ECT2: variants seen among roughly 807,000 people sequenced by gnomAD.
ECT2 encodes protein ECT2.
Under a neutral mutation model 116.9 loss-of-function variants are expected in ECT2, and 61 were observed. The ratio of observed to expected loss-of-function variants is 0.52; its 90% CI spans 0.42 to 0.65. The LOEUF (loss-of-function observed/expected upper bound fraction) is 0.65. Among genes scored for constraint, ECT2 ranks in the 30% least tolerant of loss-of-function variants. ECT2 has a pLI of 0.00. For synonymous variants in ECT2, 358 were observed against 346.4 expected, an observed-to-expected ratio of 1.03 and a Z score of -0.37; for missense variants, 937 against 1,078.7, an observed-to-expected ratio of 0.87 and a Z score of 1.84.
intron 22 of ECT2, among the ~76,000 whole-genome samples, chr3:172,814,738 T>C (rs531037842): frequency 1.8e-4 from 28 of 152,314 alleles, no homozygotes; most frequent in African/African-American, 6.0e-4. Context: ...GTATACATTG[T>C]GTGTTGATCA....
chr3:172,819,044 T>C (rs1256671022), intron 24 of ECT2, among the ~76,000 whole-genome samples: 1 of 152,118 alleles, frequency 6.6e-6, no homozygotes, highest in Non-Finnish European at 1.5e-5. Context: ...GAATAGTAAT[T>C]GTCATGAGTA....
intron 24 of ECT2, 122 bp downstream of exon 24, chr3:172,816,959 C>A: frequency 1.4e-6 from 1 of 713,348 alleles, no homozygotes; most frequent in South Asian, 3.0e-5. Flanking sequence ...TTTTATTTAA[C>A]CCAGTATGCT....
At chr3:172,795,212 C>T (rs1371135040) in intron 18 of ECT2, among the ~76,000 whole-genome samples, 1 of 151,298 alleles carries the variant, frequency 6.6e-6, no homozygotes, top group Non-Finnish European at 1.5e-5. Flanking sequence ...CCTGTAGTTC[C>T]AGCTACTCAG....
chr3:172,826,548 A>G, the ECT2 span, among the ~76,000 whole-genome samples: 4 of 152,240 alleles, frequency 2.6e-5, no homozygotes, highest in African/African-American at 9.6e-5. Context: ...TTAGTTGATA[A>G]TGCAGAGGCA....
At chr3:172,760,347 C>T (rs1717986260) in intron 7 of ECT2, 84 bp downstream of exon 7, 1 of 703,564 alleles carries the variant, frequency 1.4e-6, no homozygotes, top group Non-Finnish European at 2.2e-6. Context: ...TTATCTATTT[C>T]TTTCACAATT....
chr3:172,768,974 T>A, intron 12 of ECT2, 33 bp from the exon 13 acceptor site: 1 of 1,544,102 alleles, frequency 6.5e-7, no homozygotes, highest in Non-Finnish European at 8.7e-7. Context: ...ATATTTGGCT[T>A]CCATTAAATC....
intron 14 of ECT2, among the ~76,000 whole-genome samples, chr3:172,776,906 G>A (rs759304064): frequency 2.7e-5 from 4 of 149,462 alleles, no homozygotes; most frequent in East Asian, 2.0e-4. Flanking sequence ...ACAAAGTCTC[G>A]CTCTGTTGCT....
At chr3:172,805,391 C>T (rs1046221610) in intron 20 of ECT2, among the ~76,000 whole-genome samples, 1 of 152,102 alleles carries the variant, frequency 6.6e-6, no homozygotes, top group African/African-American at 2.4e-5. Flanking sequence ...TTCCTCTTCT[C>T]CTGAATTCTA....
intron 14 of ECT2, among the ~76,000 whole-genome samples, chr3:172,781,424 A>G (rs1339222874): frequency 1.3e-5 from 2 of 152,234 alleles, no homozygotes; most frequent in Admixed American, 1.3e-4. Context: ...CAGGGATCCC[A>G]CTGAAAGGGT....
chr3:172,802,442 G>A (rs1050470090), intron 18 of ECT2, among the ~76,000 whole-genome samples, 174 bp from the exon 19 acceptor site: 2 of 151,954 alleles, frequency 1.3e-5, no homozygotes, highest in Non-Finnish European at 2.9e-5. Context: ...TCCTCATCCT[G>A]GGCTCCATAG....
intron 14 of ECT2, among the ~76,000 whole-genome samples, chr3:172,779,895 CAAAA>C (rs60162451): frequency 4.7e-5 from 5 of 107,052 alleles, no homozygotes; most frequent in Non-Finnish European, 8.1e-5. Flanking sequence ...GACCCTGTCT[CAAAA>C]AAAAAAAAAA....
intron 24 of ECT2, chr3:172,818,595 T>C (rs1730173659): frequency 7.8e-7 from 1 of 1,287,976 alleles, no homozygotes; most frequent in South Asian, 1.2e-5. Flanking sequence ...TTACTAAGCA[T>C]GTTTATGTTC....
At chr3:172,754,089 A>G (rs1413804327) in intron 1 of ECT2, among the ~76,000 whole-genome samples, 1 of 152,098 alleles carries the variant, frequency 6.6e-6, no homozygotes, top group Non-Finnish European at 1.5e-5. Context: ...TGGGGAGGGA[A>G]ATGTGGGAGA....
the ECT2 span, chr3:172,829,155 T>C: frequency 1.7e-6 from 1 of 603,504 alleles, no homozygotes; most frequent in South Asian, 1.6e-5. Context: ...AAATGAACAG[T>C]GCCCCAGTGG....
chr3:172,787,277 T>C (rs1030548350), intron 18 of ECT2, among the ~76,000 whole-genome samples: 1 of 152,238 alleles, frequency 6.6e-6, no homozygotes, highest in Non-Finnish European at 1.5e-5. Flanking sequence ...TGCTTCTGTA[T>C]GAGAGTTTCT....
downstream of ECT2, among the ~76,000 whole-genome samples, chr3:172,823,459 T>A (rs1465674818): frequency 6.6e-6 from 1 of 152,194 alleles, no homozygotes; most frequent in Non-Finnish European, 1.5e-5. Context: ...TTGACAGTGT[T>A]TCTGCTGGTG....
At chr3:172,823,814 G>T (rs529769932), downstream of ECT2, among the ~76,000 whole-genome samples, 23 of 151,844 alleles carry the variant, frequency 1.5e-4, no homozygotes, top group Non-Finnish European at 2.1e-4. Flanking sequence ...TCTGGTGGAG[G>T]ATCTTTAAAA....
chr3:172,827,007 C>T, the ECT2 span, among the ~76,000 whole-genome samples: 1 of 152,182 alleles, frequency 6.6e-6, no homozygotes, highest in Non-Finnish European at 1.5e-5. Context: ...CAAAAGAAGA[C>T]ATACAAATGG....
chr3:172,763,179 C>T (rs1039359293), intron 11 of ECT2, among the ~76,000 whole-genome samples: 2 of 152,090 alleles, frequency 1.3e-5, no homozygotes, highest in Non-Finnish European at 2.9e-5. Context: ...TTGTTCTGTG[C>T]GAATTCTTGG....
Sources: gnomAD v4.1 joint callset for allele counts (sites outside exome capture counted in the v4.1 genomes callset) on GRCh38, gnomAD v4.1.1 for gene constraint, MANE v1.5 for transcripts, NCBI Gene and HGNC (gene_info 2026-07-23, HGNC 2026-07-21) for gene names.